TRPM7: variants seen among roughly 807,000 people sequenced by gnomAD.
The protein encoded by TRPM7 is transient receptor potential cation channel subfamily M member 7.
A neutral mutation model predicts 229.7 loss-of-function variants in TRPM7; 134 were observed. That is an observed-to-expected ratio of 0.58 (90% confidence interval 0.51 to 0.67). The LOEUF (loss-of-function observed/expected upper bound fraction) is 0.67, where lower values mean the gene tolerates loss of function less well. Among genes scored for constraint, TRPM7 ranks in the 30% least tolerant of loss-of-function variants. The probability of loss-of-function intolerance (pLI) is 0.00; values close to 1 mark genes in which losing one functional copy is unlikely to be tolerated. For missense variants in TRPM7, 1,901 were observed against 2,210.0 expected, an observed-to-expected ratio of 0.86 and a Z score of 2.80; for synonymous variants, 699 against 715.2, an observed-to-expected ratio of 0.98 and a Z score of 0.36.
intron 36 of TRPM7, among the ~76,000 whole-genome samples, chr15:50,571,277 G>A (rs1249437255): frequency 6.6e-6 from 1 of 152,224 alleles, no homozygotes; most frequent in Non-Finnish European, 1.5e-5. Flanking sequence ...AGAAGGCTGA[G>A]TATGATTTCT....
chr15:50,606,250 G>A (rs916333407), intron 20 of TRPM7, among the ~76,000 whole-genome samples: 3 of 151,850 alleles, frequency 2.0e-5, no homozygotes, highest in African/African-American at 7.3e-5. Flanking sequence ...TTGGTGGCAC[G>A]CACCTGTAAT....
In TRPM7 at chr15:50,632,983, A is replaced by G. The variant is rs376500985; in HGVS notation, c.1017T>C (p.Pro339=). ...AAATAATATCGGGCTCTGCTGCATC[A>G]GGAAGATTCCTGGAATAAAAGGAAA... The part of the protein sequence containing the change: ...HKQTEEGGNL[P]DAAEPDIIST... The change falls in exon 9 of 39, where the codon CCT becomes CCC. Residue 339 remains proline, a synonymous_variant. Transcript: ENST00000646667. 62 of 1,583,054 alleles carry G rather than the reference A, an allele frequency of 3.9e-5. No individual in the cohort carries two copies. The highest frequency in any genetic ancestry group is 6.0e-6 in the Non-Finnish European group (7 of 1,171,772).
rs1052228130 is a variant in TRPM7 at position 50,583,062 on chromosome 15, A to G, written c.4557+27T>C. The G allele has an allele frequency of 3.3e-6, 5 of 1,498,460 alleles. No homozygotes were observed. The African/African-American group carries it at 7.1e-5, about 21-fold the overall frequency. The allele number at this position is 1,498,460 out of a possible 1,614,324, so 92.8% of individuals were successfully genotyped here. ...AAAAGTTTAATGTATTTAATAATATATATCTGTTTAGTTGAAATCTACAAA... is the reference window on the plus strand; with the variant it reads ...AAAAGTTTAATGTATTTAATAATATGTATCTGTTTAGTTGAAATCTACAAA... On this transcript the variant is annotated intron_variant, in intron 29 of 38. Coordinates refer to ENST00000646667, the MANE Select transcript of TRPM7 (RefSeq NM_017672.6).
At position 50,624,167 on chromosome 15, in the gene TRPM7, G is replaced by C; in HGVS notation, c.1439C>G (p.Thr480Ser). 1.9e-6 allele frequency: 3 copies of C among 1,603,302 alleles called. No individual in the cohort carries two copies. The highest frequency in any genetic ancestry group is 2.5e-6 in the Non-Finnish European group (3 of 1,176,794). ...TAAAGAATTTTAATGTAGACTTACAGTGTTGTAAAGTTCTTCCAGTCTCGG... is the reference window on the plus strand; with the variant it reads ...TAAAGAATTTTAATGTAGACTTACACTGTTGTAAAGTTCTTCCAGTCTCGG... ...TIPRLEELYN[T>S]KQGPTNPMLF... is the part of the protein sequence containing the mutation. Residue 480 changes from threonine to serine, a missense_variant and splice_region_variant, in exon 12 of 39, where the codon ACT becomes AGT. Physicochemically the swap from Thr to Ser is moderately conservative, Grantham distance 58 (BLOSUM62 1). Coordinates refer to ENST00000646667, the MANE Select transcript of TRPM7 (RefSeq NM_017672.6).
At chr15:50,575,206 TAGC>T (rs1193847111) in intron 33 of TRPM7, 71 bp from the exon 34 acceptor site, 5 of 1,361,126 alleles carry the variant, frequency 3.7e-6, no homozygotes, top group Non-Finnish European at 2.0e-6. Flanking sequence ...AAATAAAAAT[TAGC>T]AGGCATCTTT....
At chr15:50,611,452 A>T in intron 16 of TRPM7, 131 bp from the exon 17 acceptor site, 1 of 692,660 alleles carries the variant, frequency 1.4e-6, no homozygotes, top group Non-Finnish European at 2.4e-6. Context: ...GAGGCATTAA[A>T]ACCATAACTC....
chr15:50,669,968 T>G (rs181646464), intron 1 of TRPM7, among the ~76,000 whole-genome samples: 1 of 152,320 alleles, frequency 6.6e-6, no homozygotes, highest in African/African-American at 2.4e-5. Flanking sequence ...ACATTGCTGT[T>G]GTACTCTTTG....
chr15:50,583,303 C>T (rs989988007), intron 28 of TRPM7, 144 bp from the exon 29 acceptor site: 5 of 477,542 alleles, frequency 1.0e-5, no homozygotes, highest in Middle Eastern at 4.7e-4. Flanking sequence ...ACAAGAGTTA[C>T]ATGAGGCCCA....
intron 2 of TRPM7, among the ~76,000 whole-genome samples, 159 bp from the exon 3 acceptor site, chr15:50,657,978 A>G (rs2061622115): frequency 6.6e-6 from 1 of 151,998 alleles, no homozygotes; most frequent in Admixed American, 6.6e-5. Flanking sequence ...TATAATTCAA[A>G]TAACTATTTT....
chr15:50,622,250 G>A (rs1393718388), intron 12 of TRPM7, among the ~76,000 whole-genome samples: 2 of 151,994 alleles, frequency 1.3e-5, no homozygotes, highest in South Asian at 2.1e-4. Context: ...AAAGCTCTTT[G>A]AAGTTCTCAA....
intron 13 of TRPM7, among the ~76,000 whole-genome samples, chr15:50,618,867 C>T (rs2060307882): frequency 6.6e-6 from 1 of 151,948 alleles, no homozygotes; most frequent in African/African-American, 2.4e-5. Flanking sequence ...TAAGTGAAAA[C>T]GTGGTATTTG....
chr15:50,561,594 C>A lies in TRPM7; in HGVS notation c.*84G>T. 2 of 1,540,196 alleles carry A rather than the reference C, an allele frequency of 1.3e-6. No homozygotes were observed. The highest frequency in any genetic ancestry group is 1.2e-5 in the South Asian group (1 of 84,710). On this transcript the variant is annotated 3_prime_UTR_variant, in exon 39 of 39. Coordinates refer to ENST00000646667, the MANE Select transcript of TRPM7 (RefSeq NM_017672.6). ...ACTTGCATACACCTTTCTATATTAC[C>A]AAACAATTTCCTCCCGAGGGAAAAG...
chr15:50,674,468 G>GTA lies in TRPM7; in HGVS notation c.4-11424_4-11423dup, dbSNP rs1022144765. On this transcript the variant is annotated intron_variant, in intron 1 of 38. Coordinates refer to ENST00000646667, the MANE Select transcript of TRPM7 (RefSeq NM_017672.6). ...TCTAATAAATTTCTGATGTCACAAT[G>GTA]TATATGTTTTTGTACTATGTATCCC... Among the ~76,000 whole-genome samples the GTA allele has an allele frequency of 1.4e-4, 21 of 152,258 alleles. No homozygotes were observed. In the East Asian group the frequency reaches 4.1e-3, roughly 29 times the overall value.
At chr15:50,627,672 T>C (rs2060607689) in intron 11 of TRPM7, among the ~76,000 whole-genome samples, 1 of 152,124 alleles carries the variant, frequency 6.6e-6, no homozygotes, top group Non-Finnish European at 1.5e-5. Context: ...GATGACAGAC[T>C]AGACCAGGAT....
intron 26 of TRPM7, among the ~76,000 whole-genome samples, chr15:50,590,841 A>AG (rs71124382): frequency 0.15 from 21,783 of 149,770 alleles, 2,115 homozygotes; most frequent in Admixed American, 0.27. Flanking sequence ...AAAAAAAAAA[A>AG]GGGGGAATAT....
chr15:50,604,748 A>C (rs1241049889), intron 21 of TRPM7, 118 bp downstream of exon 21: 1 of 1,057,124 alleles, frequency 9.5e-7, no homozygotes, highest in Non-Finnish European at 1.3e-6. Context: ...AGTATGAGGC[A>C]AACAAACACA....
In TRPM7 at chr15:50,580,843, G is replaced by T. The variant is rs760298230; in HGVS notation, c.4592+31C>A. The T allele has an allele frequency of 3.2e-6, 5 of 1,570,976 alleles. No individual in the cohort carries two copies. The South Asian group carries it at 4.8e-5, about 15-fold the overall frequency. ...CAACATTCAATAACTATGATACTTC[G>T]CAAGCTAATGGTAAGAAAAAGCTTA... On this transcript the variant is annotated intron_variant, in intron 30 of 38. Coordinates refer to ENST00000646667, the MANE Select transcript of TRPM7 (RefSeq NM_017672.6).
intron 36 of TRPM7, among the ~76,000 whole-genome samples, chr15:50,571,068 A>AC (rs1491100531): frequency 2.0e-5 from 3 of 152,250 alleles, no homozygotes; most frequent in Admixed American, 1.3e-4. Context: ...ATAAACACAT[A>AC]CACACACACA....
chr15:50,636,667 G>T (rs777034081), intron 7 of TRPM7, among the ~76,000 whole-genome samples: 2 of 152,084 alleles, frequency 1.3e-5, no homozygotes, highest in Non-Finnish European at 2.9e-5. Context: ...TTCAGACATG[G>T]TTGGAAAGAA....
Sources: gnomAD v4.1 joint callset for allele counts (sites outside exome capture counted in the v4.1 genomes callset) on GRCh38, gnomAD v4.1.1 for gene constraint, MANE v1.5 for transcripts, NCBI Gene and HGNC (gene_info 2026-07-23, HGNC 2026-07-21) for gene names.